The following RBFOX1 variants were observed in gnomAD, a reference collection of about 807,000 sequenced individuals.
RBFOX1 encodes the protein RNA binding protein fox-1 homolog 1.
RBFOX1 carries 8 observed loss-of-function variants against 57.7 expected under a neutral mutation model. The observed-to-expected ratio is 0.14, with a 90% confidence interval of 0.08 to 0.25. The LOEUF is 0.25. Among genes scored for constraint, RBFOX1 ranks in the 10% least tolerant of loss-of-function variants. The probability of loss-of-function intolerance (pLI) is 1.00; values close to 1 mark genes in which losing one functional copy is unlikely to be tolerated. For synonymous variants in RBFOX1, 326 were observed against 222.4 expected, an observed-to-expected ratio of 1.47 and a Z score of -4.15; for missense variants, 611 against 548.5, an observed-to-expected ratio of 1.11 and a Z score of -1.14.
chr16:6,795,947 A>T (rs181843083), intron 3 of RBFOX1, among the ~76,000 whole-genome samples: 10 of 152,224 alleles, frequency 6.6e-5, no homozygotes, highest in Admixed American at 5.2e-4. Context: ...ATTGAGAAAC[A>T]TTGGGATAAG....
chr16:5,385,802 G>T (rs79278372), intron 1 of RBFOX1, among the ~76,000 whole-genome samples: 1,664 of 152,246 alleles, frequency 0.011, 39 homozygotes, highest in African/African-American at 0.038. Context: ...TGTTTTCCAT[G>T]AATCCCTCAA....
At chr16:7,648,149 G>T (rs1219743125) in intron 11 of RBFOX1, among the ~76,000 whole-genome samples, 1 of 152,116 alleles carries the variant, frequency 6.6e-6, no homozygotes, top group Non-Finnish European at 1.5e-5. Context: ...CCCTTGAAAT[G>T]GATTATTCGT....
At chr16:7,197,207 G>C (rs2086922140) in intron 4 of RBFOX1, among the ~76,000 whole-genome samples, 1 of 152,112 alleles carries the variant, frequency 6.6e-6, no homozygotes. Flanking sequence ...GCTCTTCCAA[G>C]CCTCCTTCAT....
chr16:5,563,833 T>A (rs1037488372), intron 2 of RBFOX1, among the ~76,000 whole-genome samples: 1 of 152,072 alleles, frequency 6.6e-6, no homozygotes, highest in Admixed American at 6.6e-5. Flanking sequence ...AGCAGCCACA[T>A]CCCATTTCTT....
intron 3 of RBFOX1, among the ~76,000 whole-genome samples, chr16:6,939,565 C>T (rs1244022921): frequency 2.7e-5 from 4 of 146,098 alleles, no homozygotes; most frequent in African/African-American, 1.0e-4. Flanking sequence ...GGCTGGAGTT[C>T]AGTGGGAGTG....
chr16:7,006,264 C>G (rs937660863), intron 3 of RBFOX1, among the ~76,000 whole-genome samples: 3 of 152,062 alleles, frequency 2.0e-5, no homozygotes, highest in Non-Finnish European at 2.9e-5. Flanking sequence ...AAGCGATTCT[C>G]CTGTCTCAGC....
chr16:5,765,850 G>C (rs2053758069), intron 3 of RBFOX1, among the ~76,000 whole-genome samples: 1 of 152,340 alleles, frequency 6.6e-6, no homozygotes, highest in African/African-American at 2.4e-5. Context: ...AAGGATGGGA[G>C]TGTGGAAGGA....
intron 3 of RBFOX1, among the ~76,000 whole-genome samples, chr16:6,995,387 T>TC (rs1404734844): frequency 6.6e-6 from 1 of 151,600 alleles, no homozygotes; most frequent in Non-Finnish European, 1.5e-5. Context: ...GATGGATTTT[T>TC]CACTTTATTA....
chr16:6,709,098 T>C (rs1204226495), intron 3 of RBFOX1, among the ~76,000 whole-genome samples: 1 of 152,168 alleles, frequency 6.6e-6, no homozygotes, highest in Non-Finnish European at 1.5e-5. Context: ...ATTAAAATAA[T>C]ACAGCTTATG....
intron 1 of RBFOX1, among the ~76,000 whole-genome samples, chr16:6,048,871 T>C (rs1305387006): frequency 1.3e-5 from 2 of 152,136 alleles, no homozygotes; most frequent in Admixed American, 6.6e-5. Flanking sequence ...GCATGGAATA[T>C]AAATGGTTAT....
chr16:7,404,027 C>CATTTTATTTTATTTTATTTTATTTT (rs1278332849), intron 4 of RBFOX1, among the ~76,000 whole-genome samples: 379 of 49,092 alleles, frequency 7.7e-3, no homozygotes, highest in Non-Finnish European at 0.015. Flanking sequence ...GATTTCATTT[C>CATTTTATTTTATTTTATTTTATTTT]CTTTTATTTT....
rs529364421 is a variant in RBFOX1, at chr16:6,971,967, T to C, written c.-15-80090T>C. Reference sequence around the variant, plus strand: ...CGGGAGAATGTGAATGAGCATGGAGTCCGTGCCACAGGCAATCCCTGCACG... The same window carrying C: ...CGGGAGAATGTGAATGAGCATGGAGCCCGTGCCACAGGCAATCCCTGCACG... On this transcript the variant is annotated intron_variant, in intron 3 of 15. Transcript: ENST00000550418. Among the ~76,000 whole-genome samples, 20 of 152,000 alleles carry C rather than the reference T, an allele frequency of 1.3e-4. 1 individual carries two copies. The South Asian group carries it at 2.7e-3, about 21-fold the overall frequency.
intron 4 of RBFOX1, among the ~76,000 whole-genome samples, chr16:7,184,533 A>G (rs138356161): frequency 1.3e-3 from 205 of 152,324 alleles, no homozygotes; most frequent in African/African-American, 4.8e-3. Context: ...AAGTTAGCCA[A>G]GTGATTGAAG....
chr16:7,508,206 G>C (rs1001411764), intron 4 of RBFOX1, among the ~76,000 whole-genome samples: 1 of 149,506 alleles, frequency 6.7e-6, no homozygotes, highest in Non-Finnish European at 1.5e-5. Context: ...TCAAAGTCCT[G>C]ACCTCAAGCG....
chr16:7,227,935 C>G (rs930831924), intron 4 of RBFOX1, among the ~76,000 whole-genome samples: 7 of 152,176 alleles, frequency 4.6e-5, no homozygotes, highest in African/African-American at 1.7e-4. Context: ...CACAGCCAGA[C>G]AATTCTTTGC....
chr16:7,074,152 A>C (rs1365250226), intron 4 of RBFOX1, among the ~76,000 whole-genome samples: 1 of 152,200 alleles, frequency 6.6e-6, no homozygotes, highest in East Asian at 1.9e-4. Context: ...TAGGAGAAAA[A>C]ACAGTCAGTA....
intron 2 of RBFOX1, among the ~76,000 whole-genome samples, chr16:6,519,368 GC>G (rs1352191518): frequency 6.6e-6 from 1 of 152,052 alleles, no homozygotes; most frequent in African/African-American, 2.4e-5. Context: ...TGGGGATATA[GC>G]CCTCCACCTT....
intron 1 of RBFOX1, among the ~76,000 whole-genome samples, chr16:6,139,286 G>A (rs997911245): frequency 5.9e-5 from 9 of 152,124 alleles, no homozygotes; most frequent in South Asian, 2.1e-4. Context: ...TGATACGATC[G>A]TTTCAGGAAG....
At chr16:6,251,531 C>A (rs535263878) in intron 1 of RBFOX1, among the ~76,000 whole-genome samples, 2 of 152,072 alleles carry the variant, frequency 1.3e-5, no homozygotes, top group African/African-American at 4.8e-5. Flanking sequence ...GGGCTCTTTA[C>A]AGTATGATAG....
Sources: allele counts gnomAD v4.1 joint callset (sites outside exome capture counted in the v4.1 genomes callset), GRCh38; gene constraint gnomAD v4.1.1; transcripts MANE v1.5; gene names NCBI Gene and HGNC (gene_info 2026-07-23, HGNC 2026-07-21).